The following MCC variants were observed in gnomAD, a reference collection of about 807,000 sequenced individuals.
MCC encodes MCC regulator of Wnt signaling pathway, also known as colorectal mutant cancer protein.
In MCC, 90 loss-of-function variants were observed where a neutral mutation model predicts 116.2. That is an observed-to-expected ratio of 0.77 (90% CI 0.65 to 0.92). The LOEUF (loss-of-function observed/expected upper bound fraction) is 0.92, where lower values mean the gene tolerates loss of function less well. MCC is among the 40% of genes least tolerant of loss of function. The pLI, the probability that MCC is intolerant of heterozygous loss-of-function variation, is 0.00. For synonymous variants in MCC, 578 were observed against 510.5 expected (o/e 1.13, Z -1.78); for missense variants, 1,516 against 1,312.2 (o/e 1.16, Z -2.40).
At chr5:113,358,041 T>G (rs1768456312) in intron 2 of MCC, among the ~76,000 whole-genome samples, 2 of 152,228 alleles carry the variant, frequency 1.3e-5, no homozygotes, top group Non-Finnish European at 2.9e-5. Flanking sequence ...CTCTGCCTTA[T>G]GCCCTTTGGT....
Position 113,392,800 on chromosome 5 carries a change from A to G in MCC, c.171-7588T>C, listed in dbSNP as rs535825316. On this transcript the variant is annotated intron_variant, in intron 1 of 18. Transcript: ENST00000408903. ...GTTGGTACCATTATTATCTCCATAT[A>G]TAAGTGAGGAAATTGAGGAACAGAG... 2.0e-5 allele frequency among the ~76,000 whole-genome samples: 3 copies of G among 152,276 alleles called. No homozygotes were observed. The South Asian group carries it at 6.2e-4, about 32-fold the overall frequency.
At chr5:113,061,027 T>C (rs1753181279) in intron 14 of MCC, among the ~76,000 whole-genome samples, 1 of 152,182 alleles carries the variant, frequency 6.6e-6, no homozygotes, top group Non-Finnish European at 1.5e-5. Context: ...TCCTCAACCA[T>C]TTTTTCTGCC....
intron 3 of MCC, among the ~76,000 whole-genome samples, chr5:113,289,058 T>C (rs1025066475): frequency 6.6e-6 from 1 of 152,098 alleles, no homozygotes; most frequent in Non-Finnish European, 1.5e-5. Flanking sequence ...TTAAGGTAGG[T>C]GCGGTGGTTC....
intron 3 of MCC, among the ~76,000 whole-genome samples, chr5:113,274,500 C>T (rs1765746725): frequency 6.6e-6 from 1 of 152,198 alleles, no homozygotes; most frequent in Non-Finnish European, 1.5e-5. Context: ...GCTGGGATTA[C>T]AGGCGCATGC....
chr5:113,150,555 GC>G (rs2150290817), intron 4 of MCC, among the ~76,000 whole-genome samples: 1 of 151,948 alleles, frequency 6.6e-6, no homozygotes, highest in Admixed American at 6.6e-5. Context: ...AAATGAAAAT[GC>G]ATTTCAGTAA....
intron 8 of MCC, among the ~76,000 whole-genome samples, chr5:113,097,442 T>A (rs777740104): frequency 3.3e-5 from 5 of 152,218 alleles, no homozygotes; most frequent in Non-Finnish European, 5.9e-5. Context: ...ATTACCATTA[T>A]GATGTTGGTT....
intron 2 of MCC, among the ~76,000 whole-genome samples, chr5:113,362,355 C>T (rs761738948): frequency 6.4e-4 from 97 of 152,094 alleles, no homozygotes; most frequent in Middle Eastern, 6.8e-3. Context: ...ATAAATTTGT[C>T]GAGACTTGTT....
At chr5:113,238,990 C>T (rs564601066) in intron 3 of MCC, among the ~76,000 whole-genome samples, 1 of 152,136 alleles carries the variant, frequency 6.6e-6, no homozygotes, top group Non-Finnish European at 1.5e-5. Flanking sequence ...GACAATTCAT[C>T]GAAATGTGAA....
intron 2 of MCC, among the ~76,000 whole-genome samples, chr5:113,350,224 A>G (rs1768235254): frequency 6.6e-6 from 1 of 152,072 alleles, no homozygotes; most frequent in African/African-American, 2.4e-5. Flanking sequence ...CAAAAGACCC[A>G]GAACAGCCAA....
rs71588734 is a variant in MCC at position 113,132,427 on chromosome 5, C to T, written c.885-9601G>A. Among the ~76,000 whole-genome samples the T allele has an allele frequency of 3.1e-3, 336 of 107,176 alleles. 8 individuals carry two copies. The highest frequency in any genetic ancestry group is 0.011 in the African/African-American group (265 of 23,718). The allele number at this position is 107,176 out of a possible 152,430, so 70.3% of individuals were successfully genotyped here. A position where few individuals can be genotyped will look rare whatever the true frequency, so the allele number is the denominator to read the frequency against. On this transcript the variant is annotated intron_variant, in intron 5 of 18. Coordinates refer to ENST00000408903, the MANE Select transcript of MCC (RefSeq NM_001085377.2). ...ACATACATATATATATACACACATA[C>T]ATATATATATATATATACACACACA...
chr5:113,476,017 CA>C (rs1312156401), intron 1 of MCC, among the ~76,000 whole-genome samples: 1 of 152,068 alleles, frequency 6.6e-6, no homozygotes, highest in Non-Finnish European at 1.5e-5. Context: ...TTTAGACTTC[CA>C]CTGATATGTT....
intron 3 of MCC, among the ~76,000 whole-genome samples, chr5:113,235,557 C>G (rs1177631722): frequency 6.6e-6 from 1 of 152,158 alleles, no homozygotes; most frequent in Non-Finnish European, 1.5e-5. Flanking sequence ...TGGGGAAACA[C>G]AAATAAAATG....
At chr5:113,295,411 C>T (rs1293642395) in intron 3 of MCC, among the ~76,000 whole-genome samples, 1 of 149,628 alleles carries the variant, frequency 6.7e-6, no homozygotes, top group Non-Finnish European at 1.5e-5. Flanking sequence ...GGGCAGAGTA[C>T]ATTTTCTGCA....
At chr5:113,075,764 T>C (rs570109270) in intron 11 of MCC, among the ~76,000 whole-genome samples, 1 of 152,302 alleles carries the variant, frequency 6.6e-6, no homozygotes, top group East Asian at 1.9e-4. Flanking sequence ...TTCCATGCTG[T>C]GGAAGCTTTG....
At chr5:113,185,519 G>C (rs1219331486) in intron 3 of MCC, among the ~76,000 whole-genome samples, 1 of 152,176 alleles carries the variant, frequency 6.6e-6, no homozygotes, top group African/African-American at 2.4e-5. Context: ...CAGGAGATTA[G>C]AAGTAGCAGA....
chr5:113,189,810 C>T (rs1233162304), intron 3 of MCC, among the ~76,000 whole-genome samples: 1 of 152,230 alleles, frequency 6.6e-6, no homozygotes, highest in Non-Finnish European at 1.5e-5. Flanking sequence ...GGCAAGTTCA[C>T]TCACTTTTAA....
rs562489372 is a variant in MCC, at chr5:113,144,213, T to C, written c.742-853A>G. Among the ~76,000 whole-genome samples, 9 of 152,320 alleles carry C rather than the reference T, an allele frequency of 5.9e-5. No homozygotes were observed. In the South Asian group the frequency reaches 1.0e-3, roughly 18 times the overall value. Reference sequence around the variant, plus strand: ...AAGAGGCAGCAGAGTTATAGAAACATTTCTGTAGCCAGAGTTTAAATCCTG... The same window carrying C: ...AAGAGGCAGCAGAGTTATAGAAACACTTCTGTAGCCAGAGTTTAAATCCTG... On this transcript the variant is annotated intron_variant, in intron 4 of 18. Transcript: ENST00000408903.
chr5:113,192,361 C>T (rs1762188624), intron 3 of MCC, among the ~76,000 whole-genome samples: 1 of 152,226 alleles, frequency 6.6e-6, no homozygotes, highest in Non-Finnish European at 1.5e-5. Flanking sequence ...CTGTGAAACA[C>T]AAGGCACTGT....
At chr5:113,301,680 T>C (rs1186168324) in intron 3 of MCC, among the ~76,000 whole-genome samples, 4 of 152,076 alleles carry the variant, frequency 2.6e-5, no homozygotes, top group Admixed American at 1.3e-4. Flanking sequence ...AGGAGCCAAC[T>C]AGGCAAAAAG....
Sources: gnomAD v4.1 joint callset for allele counts (sites outside exome capture counted in the v4.1 genomes callset) on GRCh38, gnomAD v4.1.1 for gene constraint, MANE v1.5 for transcripts, NCBI Gene and HGNC (gene_info 2026-07-23, HGNC 2026-07-21) for gene names.